Variants in ARHGAP31 observed in about 807,000 individuals in gnomAD.
The protein encoded by ARHGAP31 is Rho GTPase activating protein 31, also known as rho GTPase-activating protein 31.
ARHGAP31 carries 34 observed loss-of-function variants against 113.9 expected under a neutral mutation model. That is an observed-to-expected ratio of 0.30 (90% CI 0.23 to 0.40). The LOEUF (loss-of-function observed/expected upper bound fraction) is 0.40. Ranked by LOEUF, ARHGAP31 falls within the 10% of genes least tolerant of loss-of-function variation. The probability of loss-of-function intolerance (pLI) is 1.00; values close to 1 mark genes in which losing one functional copy is unlikely to be tolerated. For missense variants in ARHGAP31, 1,548 were observed against 1,767.1 expected (o/e 0.88, Z 2.22); for synonymous variants, 650 against 684.8 (o/e 0.95, Z 0.79).
At chr3:119,308,124 A>G (rs1378804799) in intron 1 of ARHGAP31, among the ~76,000 whole-genome samples, 2 of 152,076 alleles carry the variant, frequency 1.3e-5, no homozygotes, top group Non-Finnish European at 2.9e-5. Flanking sequence ...TGATCAGAAG[A>G]GTGAAGGATT....
At chr3:119,344,376 C>T (rs1056662538) in intron 1 of ARHGAP31, among the ~76,000 whole-genome samples, 7 of 152,180 alleles carry the variant, frequency 4.6e-5, no homozygotes, top group Non-Finnish European at 7.3e-5. Context: ...AGTACACCCT[C>T]ATATGGCTGA....
intron 1 of ARHGAP31, among the ~76,000 whole-genome samples, chr3:119,296,117 A>G (rs2079531919): frequency 6.6e-6 from 1 of 152,260 alleles, no homozygotes; most frequent in Admixed American, 6.5e-5. Context: ...TGATTAGTCC[A>G]TATCGAATAT....
intron 1 of ARHGAP31, among the ~76,000 whole-genome samples, chr3:119,330,922 G>A (rs1045993549): frequency 6.6e-6 from 1 of 152,218 alleles, no homozygotes; most frequent in Non-Finnish European, 1.5e-5. Context: ...AATCTCGGCT[G>A]TCAAACTCTT....
intron 1 of ARHGAP31, among the ~76,000 whole-genome samples, chr3:119,363,879 C>A (rs1205255795): frequency 6.6e-6 from 1 of 152,110 alleles, no homozygotes; most frequent in Non-Finnish European, 1.5e-5. Context: ...CCTCGAGAAG[C>A]CACTGAAGAC....
intron 1 of ARHGAP31, among the ~76,000 whole-genome samples, chr3:119,337,068 A>G (rs1286856889): frequency 6.6e-6 from 1 of 152,172 alleles, no homozygotes; most frequent in African/African-American, 2.4e-5. Context: ...GGACATTTGA[A>G]TTGTTTCCAC....
At chr3:119,368,242 T>C in intron 2 of ARHGAP31, 130 bp from the exon 3 acceptor site, 1 of 1,250,770 alleles carries the variant, frequency 8.0e-7, no homozygotes, top group South Asian at 1.3e-5. Flanking sequence ...AGAAGATCTT[T>C]TTGAATTAAG....
chr3:119,361,648 C>T (rs1966809), intron 1 of ARHGAP31, among the ~76,000 whole-genome samples: 76,052 of 152,034 alleles, frequency 0.5, 20,877 homozygotes, highest in African/African-American at 0.74. Context: ...TCCCAAAGTG[C>T]TGGGATTACA....
Position 119,318,115 on chromosome 3 carries a change from T to A in ARHGAP31, c.100+23111T>A, listed in dbSNP as rs868513502. Among the ~76,000 whole-genome samples the A allele has an allele frequency of 4.8e-4, 73 of 150,760 alleles. No individual in the cohort carries two copies. The South Asian group carries it at 5.7e-3, about 12-fold the overall frequency. ...TGGTCTGTACAAAAAAAAAAAAAAATTTTCATTAGCTGGGCATGGTGGCTC... is the reference window on the plus strand; with the variant it reads ...TGGTCTGTACAAAAAAAAAAAAAAAATTTCATTAGCTGGGCATGGTGGCTC... On this transcript the variant is annotated intron_variant, in intron 1 of 11. Transcript: ENST00000264245.
intron 6 of ARHGAP31, among the ~76,000 whole-genome samples, chr3:119,388,324 A>ATATATATATATATATATG: frequency 6.7e-6 from 1 of 149,316 alleles, no homozygotes; most frequent in African/African-American, 2.4e-5. Context: ...ATATATATAT[A>ATATATATATATATATATG]TGTACACATT....
chr3:119,381,911 G>T (rs73624159), intron 4 of ARHGAP31, among the ~76,000 whole-genome samples: 1 of 151,560 alleles, frequency 6.6e-6, no homozygotes, highest in African/African-American at 2.4e-5. Flanking sequence ...GCGTGAACCC[G>T]GGAGGCGGAG....
At chr3:119,402,513 G>C in intron 10 of ARHGAP31, 116 bp downstream of exon 10, 1 of 1,127,240 alleles carries the variant, frequency 8.9e-7, no homozygotes, top group Non-Finnish European at 1.3e-6. Flanking sequence ...TCTAGAGCCC[G>C]ATTGGGTACA....
intron 1 of ARHGAP31, among the ~76,000 whole-genome samples, chr3:119,364,774 G>T (rs985806233): frequency 4.6e-5 from 7 of 152,128 alleles, no homozygotes; most frequent in African/African-American, 1.7e-4. Context: ...CTAAGTTTTT[G>T]AATATTTTTT....
chr3:119,345,513 T>G (rs538835484), intron 1 of ARHGAP31, among the ~76,000 whole-genome samples: 19 of 152,158 alleles, frequency 1.2e-4, no homozygotes, highest in South Asian at 4.2e-4. Context: ...TCAGGAACAG[T>G]AAGAGAGGAG....
At chr3:119,369,870 C>G (rs892076941) in intron 3 of ARHGAP31, among the ~76,000 whole-genome samples, 10 of 150,424 alleles carry the variant, frequency 6.6e-5, no homozygotes, top group African/African-American at 1.7e-4. Context: ...ACAACAACAA[C>G]AAAACCATCT....
At position 119,393,452 on chromosome 3, in the gene ARHGAP31, C is replaced by T; in HGVS notation, c.882-15C>T. On this transcript the variant is annotated splice_polypyrimidine_tract_variant and intron_variant, in intron 7 of 11. Coordinates refer to ENST00000264245, the MANE Select transcript of ARHGAP31 (RefSeq NM_020754.4). ...CAAGTTAACAAACTAACCCCTTATG[C>T]CTTGGTTCTTTTAGGCGAAAGCTCT... 1.2e-6 allele frequency: 2 copies of T among 1,613,936 alleles called. No individual in the cohort carries two copies. Among genetic ancestry groups the T allele is most frequent in the Non-Finnish European group, 1.7e-6 (2 of 1,179,898 alleles).
chr3:119,303,864 G>A (rs894586321), intron 1 of ARHGAP31, among the ~76,000 whole-genome samples: 5 of 151,736 alleles, frequency 3.3e-5, no homozygotes, highest in Admixed American at 6.6e-5. Context: ...GTGCGATCTC[G>A]GCTCACTGCA....
rs186599982 is a variant in ARHGAP31, at chr3:119,372,707, C to A, written c.348+4191C>A. Among the ~76,000 whole-genome samples, 472 of 152,250 alleles carry A rather than the reference C, an allele frequency of 3.1e-3. 3 individuals carry two copies. Among genetic ancestry groups the A allele is most frequent in the African/African-American group, 0.011 (455 of 41,526 alleles). ...ATAGCTGTCAATAATTGAGTGCTTA[C>A]TATATGATAAACTCATTATAAATAT... On this transcript the variant is annotated intron_variant, in intron 3 of 11. Transcript: ENST00000264245.
At position 119,409,593 on chromosome 3, in the gene ARHGAP31, C is replaced by T. The variant is rs752775954; in HGVS notation, c.1743C>T (p.Gly581=). 19 of 1,614,100 alleles carry T rather than the reference C, an allele frequency of 1.2e-5. No individual in the cohort carries two copies. The highest frequency in any genetic ancestry group is 1.2e-4 in the Admixed American group (7 of 60,016). ...ECSKGLSQEP[G]AHLEEKKTPE... ...GCAAAGGCCTGTCCCAGGAGCCAGG[C>T]GCCCACCTGGAGGAGAAGAAAACCC... The change falls in exon 11 of 12, where the codon GGC becomes GGT. Residue 581 remains glycine, a synonymous_variant. Transcript: ENST00000264245.
chr3:119,353,902 T>C (rs2080133035), intron 1 of ARHGAP31, among the ~76,000 whole-genome samples: 1 of 152,204 alleles, frequency 6.6e-6, no homozygotes, highest in East Asian at 1.9e-4. Flanking sequence ...TTACCTTTTG[T>C]TCCTCTAGAT....
Sources: allele counts gnomAD v4.1 joint callset (sites outside exome capture counted in the v4.1 genomes callset), GRCh38; gene constraint gnomAD v4.1.1; transcripts MANE v1.5; gene names NCBI Gene and HGNC (gene_info 2026-07-23, HGNC 2026-07-21).